LIFR: variants seen among roughly 807,000 people sequenced by gnomAD.
LIFR encodes LIF receptor subunit alpha, also known as leukemia inhibitory factor receptor.
A neutral mutation model predicts 122.2 loss-of-function variants in LIFR; 84 were observed. The ratio of observed to expected loss-of-function variants is 0.69; its 90% CI spans 0.58 to 0.82. LIFR has a LOEUF of 0.82. Ranked by LOEUF, LIFR falls within the 40% of genes least tolerant of loss-of-function variation. The pLI is 0.00. For missense variants in LIFR, 1,294 were observed against 1,311.6 expected (o/e 0.99, Z 0.21); for synonymous variants, 422 against 434.7 (o/e 0.97, Z 0.36).
chr5:38,549,574 C>T (rs898370396), intron 1 of LIFR, among the ~76,000 whole-genome samples: 2 of 152,250 alleles, frequency 1.3e-5, no homozygotes, highest in Admixed American at 6.5e-5. Context: ...AGGCGGATCA[C>T]GAGGTCAGGA....
rs1743835661 is a variant in LIFR, at chr5:38,478,675, C to T, written c.*2920G>A. ...TAGTCATAATAAGCCCCATAATGATCTCCATTCCTCGCAAGGGAAGCTTGA... is the reference window on the plus strand; with the variant it reads ...TAGTCATAATAAGCCCCATAATGATTTCCATTCCTCGCAAGGGAAGCTTGA... On this transcript the variant is annotated 3_prime_UTR_variant, in exon 20 of 20. Transcript: ENST00000453190. 4 of 201,820 alleles carry T rather than the reference C, an allele frequency of 2.0e-5. No individual in the cohort carries two copies. The South Asian group carries it at 5.7e-4, about 29-fold the overall frequency. 12.5% of individuals were successfully genotyped at this position (201,820 alleles called of 1,614,324 possible).
intron 2 of LIFR, among the ~76,000 whole-genome samples, chr5:38,601,604 T>C (rs1750223718): frequency 6.6e-6 from 1 of 152,198 alleles, no homozygotes; most frequent in South Asian, 2.1e-4. Flanking sequence ...CAGACCACAT[T>C]TCCATGAGGC....
Position 38,481,631 on chromosome 5 carries a change from G to A in LIFR, c.3258C>T (p.Ser1086=). The A allele has an allele frequency of 1.9e-6, 3 of 1,614,094 alleles. No individual in the cohort carries two copies. The highest frequency in any genetic ancestry group is 2.5e-6 in the Non-Finnish European group (3 of 1,179,994). Residue 1086 remains serine (S), a synonymous_variant, in exon 20 of 20, where the codon TCC becomes TCT. Transcript: ENST00000453190. ...DSPKSNGGGW[S]FTNFFQNKPN... is the part of the protein sequence containing the mutation. ...GTTTGTTCTGAAAAAAGTTTGTAAA[G>A]GACCACCCTCCTCCATTAGATTTAG... is the stretch of plus-strand genomic sequence containing the variant.
chr5:38,476,735 T>G lies in LIFR; in HGVS notation c.*4860A>C, dbSNP rs1171681748. On this transcript the variant is annotated 3_prime_UTR_variant, in exon 20 of 20. Transcript: ENST00000453190. ...CAATCAGTTTTTCTTTTATAAGAGC[T>G]TTTGATGTACTGTTTCTACGGTTCT... The G allele has an allele frequency of 4.7e-6, 1 of 211,050 alleles. No homozygotes were observed. The highest frequency in any genetic ancestry group is 9.6e-6 in the Non-Finnish European group (1 of 104,140). 13.1% of individuals were successfully genotyped at this position (211,050 alleles called of 1,614,324 possible).
Position 38,496,068 on chromosome 5 carries a change from G to A in LIFR, c.1885+314C>T, listed in dbSNP as rs113463748. On this transcript the variant is annotated intron_variant, in intron 13 of 19. Coordinates refer to ENST00000453190, the MANE Select transcript of LIFR (RefSeq NM_001127671.2). ...TCTTGGGGAAGTGTCTTGGAGAAGCGTCTGAATATCATTTGAATAAACTCT... is the reference window on the plus strand; with the variant it reads ...TCTTGGGGAAGTGTCTTGGAGAAGCATCTGAATATCATTTGAATAAACTCT... 5.3e-4 allele frequency among the ~76,000 whole-genome samples: 81 copies of A among 151,938 alleles called. 1 individual carries two copies. Among genetic ancestry groups the A allele is most frequent in the African/African-American group, 1.6e-3 (65 of 41,454 alleles).
chr5:38,603,619 G>A (rs1750266237), intron 2 of LIFR, among the ~76,000 whole-genome samples: 1 of 152,030 alleles, frequency 6.6e-6, no homozygotes. Context: ...GGAAAACAGA[G>A]AAGGGGCTGC....
intron 1 of LIFR, 58 bp from the exon 2 acceptor site, chr5:38,530,724 A>G: frequency 2.2e-6 from 3 of 1,367,422 alleles, no homozygotes; most frequent in South Asian, 2.3e-5. Context: ...CTCACCTTAT[A>G]CTGTGCACAC....
At chr5:38,574,664 C>T (rs1271431442) in intron 1 of LIFR, among the ~76,000 whole-genome samples, 3 of 152,200 alleles carry the variant, frequency 2.0e-5, no homozygotes, top group African/African-American at 7.2e-5. Context: ...GGTCTTTCAA[C>T]GAAAGCCCTT....
In LIFR at chr5:38,494,445, C is replaced by CCAAGGGGCAAGGGG. The variant is rs36222538; in HGVS notation, c.1886-674_1886-661dup. On this transcript the variant is annotated intron_variant, in intron 13 of 19. Coordinates refer to ENST00000453190, the MANE Select transcript of LIFR (RefSeq NM_001127671.2). ...AGTCTGCACAGCGTCCTAGGAGACACCAAGGGGCAAGGGGCAAGGGGCAAG... is the reference window on the plus strand; with the variant it reads ...AGTCTGCACAGCGTCCTAGGAGACACCAAGGGGCAAGGGGCAAGGGGCAAGGGGCAAGGGGCAAG... 1.1e-4 allele frequency among the ~76,000 whole-genome samples: 17 copies of CCAAGGGGCAAGGGG among 150,878 alleles called. No individual in the cohort carries two copies. In the South Asian group the frequency reaches 3.4e-3, roughly 30 times the overall value.
Position 38,478,478 on chromosome 5 carries a change from T to C in LIFR, c.*3117A>G. On this transcript the variant is annotated 3_prime_UTR_variant, in exon 20 of 20. Coordinates refer to ENST00000453190, the MANE Select transcript of LIFR (RefSeq NM_001127671.2). ...AGATACTCAGGGCCACAATCTCAAA[T>C]CTAGGGCTGTATAAATTCAACAAAT... 4.7e-6 allele frequency: 1 copy of C among 211,660 alleles called. No homozygotes were observed. Among genetic ancestry groups the C allele is most frequent in the Non-Finnish European group, 9.6e-6 (1 of 104,004 alleles). The allele number at this position is 211,660 out of a possible 1,614,324, so 13.1% of individuals were successfully genotyped here.
intron 1 of LIFR, among the ~76,000 whole-genome samples, chr5:38,540,106 G>A (rs1747505989): frequency 6.6e-6 from 1 of 152,096 alleles, no homozygotes; most frequent in Non-Finnish European, 1.5e-5. Flanking sequence ...AGGAGTCCTG[G>A]ACTCCAGTCC....
chr5:38,526,629 T>G (rs569573005), intron 4 of LIFR, among the ~76,000 whole-genome samples: 79 of 152,338 alleles, frequency 5.2e-4, no homozygotes, highest in African/African-American at 1.9e-3. Context: ...GATTTGCTGA[T>G]GTATCCATCT....
chr5:38,482,473 A>G (rs1462134353), intron 19 of LIFR, 116 bp downstream of exon 19: 2 of 684,770 alleles, frequency 2.9e-6, no homozygotes, highest in Non-Finnish European at 5.0e-6. Context: ...TTTAAAGTAT[A>G]TAATTTTCCC....
At chr5:38,510,375 TCCCACCCC>T in intron 7 of LIFR, 81 bp downstream of exon 7, 4 of 1,178,476 alleles carry the variant, frequency 3.4e-6, no homozygotes, top group Non-Finnish European at 4.9e-6. Flanking sequence ...GAATCACTCC[TCCCACCCC>T]CCCACTCCAG....
chr5:38,501,763 A>G (rs1745191992), intron 11 of LIFR, among the ~76,000 whole-genome samples: 1 of 150,114 alleles, frequency 6.7e-6, no homozygotes, highest in African/African-American at 2.5e-5. Context: ...AATTAAACCT[A>G]TTTCTGAGTT....
intron 5 of LIFR, among the ~76,000 whole-genome samples, chr5:38,519,482 G>T (rs541132380): frequency 6.6e-6 from 1 of 152,122 alleles, no homozygotes; most frequent in East Asian, 1.9e-4. Flanking sequence ...AAGTCTTCTA[G>T]CTACCTTGAA....
chr5:38,583,179 G>A (rs536683691), intron 1 of LIFR, among the ~76,000 whole-genome samples: 1 of 152,140 alleles, frequency 6.6e-6, no homozygotes, highest in Admixed American at 6.5e-5. Flanking sequence ...AAAATTATGA[G>A]TTATAAATTT....
At chr5:38,582,819 T>C (rs1416904377) in intron 1 of LIFR, among the ~76,000 whole-genome samples, 3 of 152,204 alleles carry the variant, frequency 2.0e-5, no homozygotes, top group Admixed American at 6.5e-5. Flanking sequence ...TTACTTGGTT[T>C]CCTTCTGCCC....
Position 38,481,446 on chromosome 5 carries a change from T to C in LIFR, c.*149A>G, listed in dbSNP as rs1743978344. The C allele has an allele frequency of 1.1e-6, 1 of 893,180 alleles. No individual in the cohort carries two copies. The highest frequency in any genetic ancestry group is 1.8e-6 in the Non-Finnish European group (1 of 545,926). 55.3% of individuals were successfully genotyped at this position (893,180 alleles called of 1,614,324 possible). Reference sequence around the variant, plus strand: ...GCTTTTAGACTACATTAAAAGCACATGAACACTTTCAGTGTAACTTAACAT... The same window carrying C: ...GCTTTTAGACTACATTAAAAGCACACGAACACTTTCAGTGTAACTTAACAT... On this transcript the variant is annotated 3_prime_UTR_variant, in exon 20 of 20. Transcript: ENST00000453190.
Sources: gnomAD v4.1 joint callset for allele counts (sites outside exome capture counted in the v4.1 genomes callset) on GRCh38, gnomAD v4.1.1 for gene constraint, MANE v1.5 for transcripts, NCBI Gene and HGNC (gene_info 2026-07-23, HGNC 2026-07-21) for gene names.